The following PALS1 variants were observed in gnomAD, a reference collection of about 807,000 sequenced individuals.
PALS1 encodes protein associated with LIN7 1, MAGUK p55 family member.
A neutral mutation model predicts 78.9 loss-of-function variants in PALS1; 31 were observed. The ratio of observed to expected loss-of-function variants is 0.39; its 90% CI spans 0.30 to 0.53. PALS1 has a LOEUF of 0.53. Ranked by LOEUF, PALS1 falls within the 20% of genes least tolerant of loss-of-function variation. PALS1 has a pLI of 0.67. For synonymous variants in PALS1, 276 were observed against 270.9 expected (o/e 1.02, Z -0.18); for missense variants, 704 against 826.5 (o/e 0.85, Z 1.82).
rs1037326665 is a variant in PALS1 at position 67,321,222 on chromosome 14, A to G, written c.1703A>G (p.Asn568Ser). ...ATAGATTCTGTACGGCAAGTGATCA[A>G]CTCTGGCAAAATATGTCTTTTAAGT... is the stretch of plus-strand genomic sequence containing the variant. ...TSIDSVRQVI[N>S]SGKICLLSLR... Residue 568 changes from asparagine (N) to serine (S), a missense_variant, in exon 13 of 15, where the codon AAC (asparagine) becomes AGC (serine). Coordinates refer to ENST00000261681, the MANE Select transcript of PALS1 (RefSeq NM_022474.4). The G allele has an allele frequency of 3.1e-6, 5 of 1,614,096 alleles. No homozygotes were observed. Among genetic ancestry groups the G allele is most frequent in the Middle Eastern group, 1.6e-4 (1 of 6,084 alleles).
chr14:67,292,533 A>G lies in PALS1; in HGVS notation c.390A>G (p.Ser130=). 2 of 1,612,204 alleles carry G rather than the reference A, an allele frequency of 1.2e-6. No homozygotes were observed. Among genetic ancestry groups the G allele is most frequent in the Non-Finnish European group, 1.7e-6 (2 of 1,178,490 alleles). ...TAGAAATAGAAGACTTGTTTTCTTC[A>G]CTTAAACATATCCAACATACTTTGG... ...KILEIEDLFS[S]LKHIQHTLVD... is the part of the protein sequence containing the mutation. The change falls in exon 4 of 15, where the codon TCA becomes TCG. Residue 130 remains serine, a synonymous_variant. Transcript: ENST00000261681.
intron 2 of PALS1, among the ~76,000 whole-genome samples, chr14:67,277,744 T>C (rs1238715562): frequency 6.6e-6 from 1 of 152,178 alleles, no homozygotes; most frequent in Non-Finnish European, 1.5e-5. Context: ...TGAAAGATTT[T>C]TAAAATAGAA....
intron 12 of PALS1, 79 bp downstream of exon 12, chr14:67,320,476 T>C: frequency 7.6e-7 from 1 of 1,313,302 alleles, no homozygotes; most frequent in Non-Finnish European, 1.0e-6. Flanking sequence ...GTAGGGAAAT[T>C]TTTTATTCAT....
chr14:67,241,885 CGCGCGGGACTCTCCCGGCCG>C (rs1169352113), intron 1 of PALS1: 4 of 151,980 alleles, frequency 2.6e-5, no homozygotes, highest in African/African-American at 9.7e-5. Context: ...GAGGTCGCGA[CGCGCGGGACTCTCCCGGCCG>C]GGTCTGGGAA....
intron 1 of PALS1, among the ~76,000 whole-genome samples, chr14:67,266,475 G>C (rs1049820175): frequency 6.6e-6 from 1 of 151,962 alleles, no homozygotes; most frequent in Non-Finnish European, 1.5e-5. Context: ...ACAGGTGTCT[G>C]CCACCATGCC....
intron 14 of PALS1, among the ~76,000 whole-genome samples, chr14:67,328,771 A>G (rs188472779): frequency 6.6e-6 from 1 of 152,308 alleles, no homozygotes; most frequent in African/African-American, 2.4e-5. Context: ...CAGGTTTGTC[A>G]AAGATCAGAT....
intron 1 of PALS1, among the ~76,000 whole-genome samples, chr14:67,263,670 A>G (rs1342703708): frequency 3.3e-5 from 5 of 152,172 alleles, no homozygotes. Context: ...GACCTCGAAA[A>G]ACAACTTAAC....
intron 2 of PALS1, among the ~76,000 whole-genome samples, chr14:67,274,678 T>C (rs2084468966): frequency 6.6e-6 from 1 of 152,208 alleles, no homozygotes; most frequent in Non-Finnish European, 1.5e-5. Context: ...GGTAGCTTGA[T>C]GGGGATGGCA....
intron 8 of PALS1, among the ~76,000 whole-genome samples, chr14:67,310,424 G>A (rs1444732400): frequency 6.6e-6 from 1 of 152,122 alleles, no homozygotes. Flanking sequence ...AGTGTTTCTA[G>A]AAATCAGGAT....
Position 67,279,229 on chromosome 14 carries a change from A to C in PALS1, c.59A>C (p.Asn20Thr). The C allele has an allele frequency of 6.2e-7, 1 of 1,612,838 alleles. No individual in the cohort carries two copies. Among genetic ancestry groups the C allele is most frequent in the Non-Finnish European group, 8.5e-7 (1 of 1,179,642 alleles). The change falls in exon 3 of 15, where the codon AAT (asparagine) becomes ACT (threonine). Residue 20 changes from asparagine (N) to threonine (T), a missense_variant. By Grantham distance (65) the Asn-to-Thr change is moderately conservative (BLOSUM62 0). Coordinates refer to ENST00000261681, the MANE Select transcript of PALS1 (RefSeq NM_022474.4). ...GAGGAATCAGACAGCGAAGTAAAAA[A>C]TGTTGATCTTGCATCACCAGAGGAA... is the stretch of plus-strand genomic sequence containing the variant. ...VTEESDSEVK[N>T]VDLASPEEHQ... is the part of the protein sequence containing the mutation.
intron 1 of PALS1, among the ~76,000 whole-genome samples, chr14:67,248,876 T>C (rs1356725269): frequency 6.6e-6 from 1 of 152,168 alleles, no homozygotes; most frequent in East Asian, 1.9e-4. Flanking sequence ...CTCAGGCTGG[T>C]CTCGAACTCC....
chr14:67,244,232 G>A (rs938753353), intron 1 of PALS1, among the ~76,000 whole-genome samples: 2 of 152,180 alleles, frequency 1.3e-5, no homozygotes, highest in African/African-American at 4.8e-5. Context: ...TTGAGCGCAT[G>A]TGTGGACGCT....
intron 12 of PALS1, 83 bp from the exon 13 acceptor site, chr14:67,320,974 G>T: frequency 3.5e-6 from 4 of 1,133,872 alleles, no homozygotes; most frequent in Non-Finnish European, 5.3e-6. Context: ...TTACAAAATA[G>T]AAATTCTTTC....
At chr14:67,254,025 T>TCC (rs150024838) in intron 1 of PALS1, among the ~76,000 whole-genome samples, 2,245 of 122,890 alleles carry the variant, frequency 0.018, 42 homozygotes, top group African/African-American at 0.039. Flanking sequence ...CTTATATTCA[T>TCC]CCCCCCCCCC....
At chr14:67,321,330 A>C (rs889760355) in intron 13 of PALS1, 71 bp downstream of exon 13, 2 of 1,493,422 alleles carry the variant, frequency 1.3e-6, no homozygotes, top group Non-Finnish European at 1.9e-6. Context: ...AGTGGAAGCT[A>C]TATTTTGGTC....
At chr14:67,300,336 C>CTTTTTTTT (rs36091817) in intron 4 of PALS1, among the ~76,000 whole-genome samples, 1 of 139,084 alleles carries the variant, frequency 7.2e-6, no homozygotes, top group Non-Finnish European at 1.5e-5. Context: ...TATGAATTAC[C>CTTTTTTTT]TTTTTTTTTT....
At chr14:67,294,673 T>C (rs1229478825) in intron 4 of PALS1, 2 of 152,044 alleles carry the variant, frequency 1.3e-5, no homozygotes, top group African/African-American at 4.8e-5. Context: ...TTAGATATTA[T>C]AGTGCTTTTT....
chr14:67,332,953 G>T lies in PALS1; in HGVS notation c.2025G>T (p.Arg675Ser). 1 of 1,602,648 alleles carries T rather than the reference G, an allele frequency of 6.2e-7. No homozygotes were observed. Among genetic ancestry groups the T allele is most frequent in the Non-Finnish European group, 8.5e-7 (1 of 1,171,030 alleles). Residue 675 changes from arginine (R) to serine (S), a missense_variant, in exon 15 of 15, where the codon AGG becomes AGT. Coordinates refer to ENST00000261681, the MANE Select transcript of PALS1 (RefSeq NM_022474.4). Reference sequence around the variant, plus strand: ...AGTGGGTACCATCCACTTGGCTGAGGTGAAAGAAACATCCATTCTGTGGCA... The same window carrying T: ...AGTGGGTACCATCCACTTGGCTGAGTTGAAAGAAACATCCATTCTGTGGCA... ...EPQWVPSTWL[R>S]
intron 1 of PALS1, among the ~76,000 whole-genome samples, chr14:67,247,297 TA>T (rs919937944): frequency 6.6e-6 from 1 of 152,204 alleles, no homozygotes; most frequent in Non-Finnish European, 1.5e-5. Flanking sequence ...AATGGTAATC[TA>T]AAAAAATCAG....
Sources: gnomAD v4.1 joint callset for allele counts (sites outside exome capture counted in the v4.1 genomes callset) on GRCh38, gnomAD v4.1.1 for gene constraint, MANE v1.5 for transcripts, NCBI Gene and HGNC (gene_info 2026-07-23, HGNC 2026-07-21) for gene names.